DNAH7: variants seen among roughly 807,000 people sequenced by gnomAD.
DNAH7 encodes axonemal beta dynein heavy chain 7.
Under a neutral mutation model 444.6 loss-of-function variants are expected in DNAH7, and 397 were observed. The ratio of observed to expected loss-of-function variants is 0.89; its 90% CI spans 0.82 to 0.97. The LOEUF is 0.97. Among genes scored for constraint, DNAH7 ranks in the 50% least tolerant of loss-of-function variants. DNAH7 has a pLI of 0.00. For missense variants in DNAH7, 4,902 were observed against 4,800.8 expected (o/e 1.02, Z -0.62); for synonymous variants, 1,636 against 1,624.4 (o/e 1.01, Z -0.17).
intron 48 of DNAH7, among the ~76,000 whole-genome samples, chr2:195,833,226 TA>T (rs1698159671): frequency 6.6e-6 from 1 of 152,254 alleles, no homozygotes; most frequent in Non-Finnish European, 1.5e-5. Context: ...TTCTATATGC[TA>T]AGAACACCAA....
chr2:195,894,679 T>C (rs925146228), intron 30 of DNAH7: 6 of 206,496 alleles, frequency 2.9e-5, no homozygotes, highest in East Asian at 2.3e-4. Flanking sequence ...TCTGAAAGTA[T>C]TGCAGGAAAA....
At chr2:195,770,935 G>T (rs886316968) in intron 61 of DNAH7, among the ~76,000 whole-genome samples, 3 of 150,510 alleles carry the variant, frequency 2.0e-5, no homozygotes, top group Non-Finnish European at 4.4e-5. Context: ...AACTCAAGCA[G>T]TCCTCCCACC....
At chr2:195,926,275 A>AT (rs1688327153) in intron 22 of DNAH7, 151 bp downstream of exon 22, 1 of 686,532 alleles carries the variant, frequency 1.5e-6, no homozygotes, top group African/African-American at 1.9e-5. Context: ...GTTATGTGCA[A>AT]TTTTTATTTA....
rs774397010 is a variant in DNAH7, at chr2:195,926,580, AAT to A, written c.3472-16_3472-15del. 6.4e-7 allele frequency: 1 copy of A among 1,572,506 alleles called. No individual in the cohort carries two copies. Among genetic ancestry groups the A allele is most frequent in the South Asian group, 1.2e-5 (1 of 83,696 alleles). ...ATCTCCAGTTACCTAATCAAAAAAG[AAT>A]ATGCTAAATATTAACCATTTCCTGA... On this transcript the variant is annotated splice_polypyrimidine_tract_variant and intron_variant, in intron 21 of 64. Coordinates refer to ENST00000312428, the MANE Select transcript of DNAH7 (RefSeq NM_018897.3).
At chr2:195,820,738 A>G (rs1697427211) in intron 49 of DNAH7, among the ~76,000 whole-genome samples, 1 of 152,208 alleles carries the variant, frequency 6.6e-6, no homozygotes, top group African/African-American at 2.4e-5. Flanking sequence ...ATTTTGGCAT[A>G]CCGAAATCTG....
chr2:196,034,827 C>T (rs982763182), intron 5 of DNAH7, among the ~76,000 whole-genome samples: 3 of 152,078 alleles, frequency 2.0e-5, no homozygotes, highest in East Asian at 1.9e-4. Flanking sequence ...GTACCTTACA[C>T]CATAGACAAA....
intron 19 of DNAH7, among the ~76,000 whole-genome samples, chr2:195,947,682 C>T (rs1044244913): frequency 6.6e-6 from 1 of 152,080 alleles, no homozygotes; most frequent in Admixed American, 6.6e-5. Context: ...TTTTCTTTAT[C>T]CAGTCTATCA....
intron 60 of DNAH7, among the ~76,000 whole-genome samples, chr2:195,774,023 A>G (rs1382741144): frequency 6.6e-6 from 1 of 152,246 alleles, no homozygotes; most frequent in Non-Finnish European, 1.5e-5. Context: ...CTGCTCACCC[A>G]TAACTATAAT....
chr2:195,755,325 T>C (rs1289912489), intron 62 of DNAH7, among the ~76,000 whole-genome samples: 1 of 152,194 alleles, frequency 6.6e-6, no homozygotes, highest in Admixed American at 6.5e-5. Flanking sequence ...TAGTGAGACC[T>C]TAAGGCCTTT....
At chr2:195,987,251 CA>C in intron 13 of DNAH7, 58 bp from the exon 14 acceptor site, 1 of 1,325,952 alleles carries the variant, frequency 7.5e-7, no homozygotes, top group Non-Finnish European at 1.0e-6. Flanking sequence ...TAAATTTTCA[CA>C]ATTTTGCCAT....
At chr2:195,920,113 T>C (rs1208380054) in intron 24 of DNAH7, among the ~76,000 whole-genome samples, 1 of 152,156 alleles carries the variant, frequency 6.6e-6, no homozygotes, top group Non-Finnish European at 1.5e-5. Context: ...TGGATCAATA[T>C]TGTGATAATG....
chr2:196,007,708 C>A (rs766008712), intron 10 of DNAH7, among the ~76,000 whole-genome samples: 1 of 152,112 alleles, frequency 6.6e-6, no homozygotes, highest in Non-Finnish European at 1.5e-5. Context: ...AATGTGAGTT[C>A]CCCTACACAT....
intron 58 of DNAH7, among the ~76,000 whole-genome samples, chr2:195,778,745 TA>T (rs1215614775): frequency 4.7e-5 from 6 of 128,498 alleles, no homozygotes; most frequent in South Asian, 2.4e-4. Flanking sequence ...TATATATATA[TA>T]ATAAAACTCA....
intron 31 of DNAH7, among the ~76,000 whole-genome samples, chr2:195,889,430 C>T (rs1473002670): frequency 6.6e-6 from 1 of 151,908 alleles, no homozygotes; most frequent in Non-Finnish European, 1.5e-5. Flanking sequence ...ATCCTCCTGC[C>T]TCAGCTCCCA....
At chr2:195,993,408 T>A (rs1287741904) in intron 12 of DNAH7, among the ~76,000 whole-genome samples, 1 of 151,982 alleles carries the variant, frequency 6.6e-6, no homozygotes, top group African/African-American at 2.4e-5. Flanking sequence ...CAGGAATACA[T>A]AAATGGCAGC....
intron 43 of DNAH7, among the ~76,000 whole-genome samples, chr2:195,858,129 G>A (rs1240139248): frequency 2.6e-5 from 4 of 152,134 alleles, no homozygotes; most frequent in South Asian, 4.1e-4. Context: ...TGACAAGTGT[G>A]TCTAAATATG....
intron 1 of DNAH7, chr2:196,068,248 C>G (rs1463691605): frequency 5.4e-5 from 10 of 183,514 alleles, no homozygotes; most frequent in Non-Finnish European, 9.0e-5. Context: ...AAAAGTTGTT[C>G]TGATGTTTCC....
intron 63 of DNAH7, among the ~76,000 whole-genome samples, chr2:195,753,239 G>A (rs1693889997): frequency 1.3e-5 from 2 of 151,900 alleles, no homozygotes; most frequent in Admixed American, 6.6e-5. Context: ...TTTCATGAAG[G>A]ATAAGGTGAG....
In DNAH7 at chr2:196,068,113, A is replaced by G. The variant is rs79667058; in HGVS notation, c.15+584T>C. Among the ~76,000 whole-genome samples, 907 of 152,346 alleles carry G rather than the reference A, an allele frequency of 6.0e-3. 8 individuals are homozygous for G. Among genetic ancestry groups the G allele is most frequent in the African/African-American group, 0.021 (873 of 41,590 alleles). On this transcript the variant is annotated intron_variant, in intron 1 of 64. Transcript: ENST00000312428. ...CAAAGTGCATCTTTTATCACATACC[A>G]TGGAATATCATCTTAAGAAGTGCCA...
Sources: gnomAD v4.1 joint callset for allele counts (sites outside exome capture counted in the v4.1 genomes callset) on GRCh38, gnomAD v4.1.1 for gene constraint, MANE v1.5 for transcripts, NCBI Gene and HGNC (gene_info 2026-07-23, HGNC 2026-07-21) for gene names.